Variants in NCK2 observed in about 807,000 individuals in gnomAD.
NCK2 encodes NCK adaptor protein 2, also known as cytoplasmic protein NCK2.
NCK2 carries 16 observed loss-of-function variants against 33.9 expected under a neutral mutation model. The observed-to-expected ratio is 0.47, with a 90% CI of 0.32 to 0.72. NCK2 has a LOEUF of 0.72. Ranked by LOEUF, NCK2 falls within the 30% of genes least tolerant of loss-of-function variation. The probability of loss-of-function intolerance (pLI) is 0.03; values close to 1 mark genes in which losing one functional copy is unlikely to be tolerated. For synonymous variants in NCK2, 273 were observed against 239.9 expected, an observed-to-expected ratio of 1.14 and a Z score of -1.27; for missense variants, 418 against 537.3, an observed-to-expected ratio of 0.78 and a Z score of 2.19.
At chr2:105,777,794 A>G (rs1191337204) in intron 1 of NCK2, among the ~76,000 whole-genome samples, 1 of 152,144 alleles carries the variant, frequency 6.6e-6, no homozygotes, top group Non-Finnish European at 1.5e-5. Context: ...GCTCCTGTCA[A>G]GCAGGAAACA....
chr2:105,849,743 C>G (rs1334315578), intron 2 of NCK2, among the ~76,000 whole-genome samples: 1 of 152,164 alleles, frequency 6.6e-6, no homozygotes. Context: ...CTGGGCCTGT[C>G]TTACTCTGCA....
intron 3 of NCK2, among the ~76,000 whole-genome samples, chr2:105,869,965 A>C (rs1677931812): frequency 6.6e-6 from 1 of 152,026 alleles, no homozygotes; most frequent in East Asian, 1.9e-4. Context: ...GCCTGCTCAC[A>C]AAGGAATGGG....
intron 3 of NCK2, among the ~76,000 whole-genome samples, chr2:105,871,975 A>C (rs186811014): frequency 6.6e-6 from 1 of 152,200 alleles, no homozygotes; most frequent in Admixed American, 6.5e-5. Context: ...TTGGTGCCCA[A>C]AAGGGACATG....
intron 1 of NCK2, among the ~76,000 whole-genome samples, chr2:105,760,888 A>G (rs1198146749): frequency 6.6e-6 from 1 of 151,932 alleles, no homozygotes; most frequent in Non-Finnish European, 1.5e-5. Flanking sequence ...TAGTTTCTAC[A>G]TGTGTCATGC....
intron 1 of NCK2, among the ~76,000 whole-genome samples, chr2:105,772,873 C>G (rs1409731588): frequency 6.7e-6 from 1 of 149,182 alleles, no homozygotes; most frequent in African/African-American, 2.5e-5. Context: ...TGGCGACCTC[C>G]CACATCATCC....
At chr2:105,892,893 T>TTGGATTTAGACGCACAAGAGATGTGGA in intron 4 of NCK2, 89 bp from the exon 5 acceptor site, 1 of 1,106,884 alleles carries the variant, frequency 9.0e-7, no homozygotes. Context: ...AATGGGTGGT[T>TTGGATTTAGACGCACAAGAGATGTGGA]TGGATTTAGA....
intron 1 of NCK2, among the ~76,000 whole-genome samples, chr2:105,758,118 A>T (rs996145740): frequency 6.6e-6 from 1 of 152,216 alleles, no homozygotes; most frequent in African/African-American, 2.4e-5. Context: ...TCTCTTAAAA[A>T]TGAGTTAAAC....
chr2:105,874,911 TG>T (rs1252241677), intron 3 of NCK2, among the ~76,000 whole-genome samples: 7 of 152,276 alleles, frequency 4.6e-5, no homozygotes, highest in Non-Finnish European at 1.0e-4. Flanking sequence ...AGTAGCTTGA[TG>T]CTGCAAAATC....
intron 1 of NCK2, among the ~76,000 whole-genome samples, chr2:105,762,463 A>G (rs964816778): frequency 6.6e-6 from 1 of 152,210 alleles, no homozygotes; most frequent in Non-Finnish European, 1.5e-5. Flanking sequence ...GCTGAAGCTC[A>G]TGTCCCAGGG....
At chr2:105,892,915 T>G (rs1459574782) in intron 4 of NCK2, 67 bp from the exon 5 acceptor site, 3 of 1,331,906 alleles carry the variant, frequency 2.3e-6, no homozygotes, top group Non-Finnish European at 3.1e-6. Context: ...GCACAAGAGA[T>G]GTGGATGGAT....
intron 1 of NCK2, among the ~76,000 whole-genome samples, chr2:105,804,474 T>G (rs1674955750): frequency 6.6e-6 from 1 of 152,232 alleles, no homozygotes; most frequent in African/African-American, 2.4e-5. Context: ...ATCTGGCATT[T>G]ATGATGATTT....
Position 105,893,827 on chromosome 2 carries a change from A to G in NCK2, c.*651A>G, listed in dbSNP as rs1679098577. The G allele has an allele frequency of 6.5e-6, 1 of 152,688 alleles. No homozygotes were observed. Among genetic ancestry groups the G allele is most frequent in the Non-Finnish European group, 1.5e-5 (1 of 68,058 alleles). The allele number at this position is 152,688 out of a possible 1,614,324, so 9.5% of individuals were successfully genotyped here. On this transcript the variant is annotated 3_prime_UTR_variant, in exon 5 of 5. Coordinates refer to ENST00000233154, the MANE Select transcript of NCK2 (RefSeq NM_003581.5). ...GTAATTTACCCCAAATGTGCCATCC[A>G]CATAGTGCTTTTTCCTCTTGCCCTT...
intron 3 of NCK2, among the ~76,000 whole-genome samples, chr2:105,879,816 C>T (rs984314814): frequency 2.6e-5 from 4 of 152,224 alleles, no homozygotes; most frequent in African/African-American, 7.2e-5. Flanking sequence ...TAGGACTGAT[C>T]GCCCTTTACT....
intron 2 of NCK2, among the ~76,000 whole-genome samples, chr2:105,842,329 AC>A: frequency 1.3e-5 from 2 of 152,108 alleles, no homozygotes; most frequent in East Asian, 3.9e-4. Flanking sequence ...CAGGTGATCT[AC>A]CTGCCTCAGC....
At chr2:105,867,804 A>G (rs1441213273) in intron 3 of NCK2, among the ~76,000 whole-genome samples, 3 of 152,170 alleles carry the variant, frequency 2.0e-5, no homozygotes, top group Non-Finnish European at 4.4e-5. Context: ...TCAGCTTCCT[A>G]AAGATCACCC....
intron 1 of NCK2, among the ~76,000 whole-genome samples, chr2:105,774,111 C>T (rs1398532084): frequency 6.6e-6 from 1 of 151,224 alleles, no homozygotes; most frequent in Non-Finnish European, 1.5e-5. Context: ...CAGGTTCAAG[C>T]AATTCTCATG....
intron 1 of NCK2, among the ~76,000 whole-genome samples, chr2:105,815,768 C>T (rs1351119679): frequency 6.6e-6 from 1 of 152,222 alleles, no homozygotes; most frequent in Non-Finnish European, 1.5e-5. Flanking sequence ...AACAGACCTC[C>T]AAGAGAGGAA....
At chr2:105,816,163 C>A (rs900956900) in intron 1 of NCK2, among the ~76,000 whole-genome samples, 3 of 152,114 alleles carry the variant, frequency 2.0e-5, no homozygotes, top group African/African-American at 7.2e-5. Context: ...ATAAAATTAG[C>A]CAGGGGTGGT....
At chr2:105,828,522 CTT>C (rs1676044012) in intron 2 of NCK2, among the ~76,000 whole-genome samples, 1 of 152,164 alleles carries the variant, frequency 6.6e-6, no homozygotes. Flanking sequence ...TAGGTAATGA[CTT>C]TGTCTCGACT....
Sources: allele counts gnomAD v4.1 joint callset (sites outside exome capture counted in the v4.1 genomes callset), GRCh38; gene constraint gnomAD v4.1.1; transcripts MANE v1.5; gene names NCBI Gene and HGNC (gene_info 2026-07-23, HGNC 2026-07-21).